TENM3: variants seen among roughly 807,000 people sequenced by gnomAD.
TENM3 encodes teneurin transmembrane protein 3.
In TENM3, 63 loss-of-function variants were observed where a neutral mutation model predicts 255.1. The observed-to-expected ratio is 0.25, with a 90% CI of 0.20 to 0.30. The LOEUF (loss-of-function observed/expected upper bound fraction) is 0.30, where lower values mean the gene tolerates loss of function less well. Ranked by LOEUF, TENM3 falls within the 10% of genes least tolerant of loss-of-function variation. The probability of loss-of-function intolerance (pLI) is 1.00; values close to 1 mark genes in which losing one functional copy is unlikely to be tolerated. For synonymous variants in TENM3, 1,306 were observed against 1,322.3 expected, an observed-to-expected ratio of 0.99 and a Z score of 0.27; for missense variants, 2,929 against 3,461.1, an observed-to-expected ratio of 0.85 and a Z score of 3.86.
rs149587337 is a variant in TENM3 at position 182,378,322 on chromosome 4, A to G, written c.511+31393A>G. 3.4e-3 allele frequency among the ~76,000 whole-genome samples: 523 copies of G among 152,338 alleles called. 1 individual carries two copies. Among genetic ancestry groups the G allele is most frequent in the African/African-American group, 0.012 (498 of 41,576 alleles). The stretch of plus-strand genomic sequence containing the variant: ...AGGTTCCCTGTCCTTATGGGAGCTT[A>G]CAAGTCTAGAGGGAAAGACAGACCT... On this transcript the variant is annotated intron_variant, in intron 3 of 27. Coordinates refer to ENST00000511685, the MANE Select transcript of TENM3 (RefSeq NM_001080477.4).
At chr4:181,944,051 T>C in the TENM3 span, among the ~76,000 whole-genome samples, 1 of 152,186 alleles carries the variant, frequency 6.6e-6, no homozygotes. Context: ...AAGTCCTTTT[T>C]GTCTCTAGGC....
At chr4:182,085,924 T>C in the TENM3 span, among the ~76,000 whole-genome samples, 9 of 152,314 alleles carry the variant, frequency 5.9e-5, no homozygotes, top group African/African-American at 2.2e-4. Context: ...ATCTTGAAAA[T>C]CATCCACCAA....
chr4:182,344,883 T>C (rs545311200), intron 2 of TENM3, among the ~76,000 whole-genome samples: 75 of 152,304 alleles, frequency 4.9e-4, no homozygotes, highest in African/African-American at 1.7e-3. Flanking sequence ...ACTGACCTTG[T>C]TCAGATTTAC....
chr4:182,176,311 CGT>C (rs1752486464), intron 1 of TENM3, among the ~76,000 whole-genome samples: 1 of 145,746 alleles, frequency 6.9e-6, no homozygotes, highest in African/African-American at 2.5e-5. Context: ...GCTTCACCAC[CGT>C]GTGTCTTTTG....
intron 1 of TENM3, among the ~76,000 whole-genome samples, chr4:182,193,422 C>T (rs560925728): frequency 2.9e-4 from 44 of 152,308 alleles, no homozygotes; most frequent in African/African-American, 9.6e-4. Flanking sequence ...CTGCGAGCCT[C>T]TCTAATTCTT....
the TENM3 span, among the ~76,000 whole-genome samples, chr4:181,750,528 A>T: frequency 2.0e-5 from 3 of 152,180 alleles, no homozygotes; most frequent in African/African-American, 7.2e-5. Flanking sequence ...CTAGAAATAC[A>T]TCTCCACAGG....
the TENM3 span, among the ~76,000 whole-genome samples, chr4:181,705,112 G>A: frequency 6.6e-6 from 1 of 151,508 alleles, no homozygotes; most frequent in Non-Finnish European, 1.5e-5. Context: ...CATAGGGTGG[G>A]TAGAGGGATG....
At chr4:181,809,658 A>T in the TENM3 span, among the ~76,000 whole-genome samples, 164 of 152,286 alleles carry the variant, frequency 1.1e-3, no homozygotes, top group Non-Finnish European at 1.9e-3. Context: ...CTGCGTCCTA[A>T]TCCCCAGAAT....
chr4:182,363,448 C>A lies in TENM3; in HGVS notation c.511+16519C>A, dbSNP rs542312950. Among the ~76,000 whole-genome samples, 11 of 151,392 alleles carry A rather than the reference C, an allele frequency of 7.3e-5. No individual in the cohort carries two copies. In the East Asian group the frequency reaches 2.1e-3, roughly 29 times the overall value. ...ATACATATATATGCATGTTTATAGTCTTTGCCTGAGGACTAAGTTAATAGC... is the reference window on the plus strand; with the variant it reads ...ATACATATATATGCATGTTTATAGTATTTGCCTGAGGACTAAGTTAATAGC... On this transcript the variant is annotated intron_variant, in intron 3 of 27. Transcript: ENST00000511685.
intron 18 of TENM3, among the ~76,000 whole-genome samples, chr4:182,742,478 G>C (rs979659438): frequency 1.3e-5 from 2 of 152,210 alleles, no homozygotes; most frequent in African/African-American, 4.8e-5. Flanking sequence ...CGCAGGAATA[G>C]TCTTTGACAG....
chr4:182,656,489 C>T (rs892132765), intron 6 of TENM3, among the ~76,000 whole-genome samples: 7 of 152,034 alleles, frequency 4.6e-5, no homozygotes, highest in Admixed American at 1.3e-4. Context: ...AGCTGCAAAC[C>T]GCTGCTTTTC....
rs1004574684 is a variant in TENM3, at chr4:182,555,446, T to A, written c.512-45478T>A. Among the ~76,000 whole-genome samples the A allele has an allele frequency of 7.2e-5, 11 of 152,190 alleles. No homozygotes were observed. The South Asian group carries it at 1.0e-3, about 14-fold the overall frequency. ...AGAAGTAGCAGTGGATGCTTTAAAA[T>A]TTTTTTTCAATATATTTAAACAAAA... On this transcript the variant is annotated intron_variant, in intron 3 of 27. Coordinates refer to ENST00000511685, the MANE Select transcript of TENM3 (RefSeq NM_001080477.4).
rs564909325 is a variant in TENM3 at position 182,655,184 on chromosome 4, A to C, written c.1111+1291A>C. Among the ~76,000 whole-genome samples, 84 of 152,308 alleles carry C rather than the reference A, an allele frequency of 5.5e-4. No homozygotes were observed. In the South Asian group the frequency reaches 0.011, roughly 19 times the overall value. On this transcript the variant is annotated intron_variant, in intron 6 of 27. Coordinates refer to ENST00000511685, the MANE Select transcript of TENM3 (RefSeq NM_001080477.4). ...ATGAGTAACTATACAGAAATTAAGA[A>C]TATTTATTTTGGTTTGTATTGACTG...
the TENM3 span, among the ~76,000 whole-genome samples, chr4:181,523,798 A>C: frequency 1.3e-5 from 2 of 152,212 alleles, no homozygotes; most frequent in South Asian, 4.1e-4. Flanking sequence ...AGTAGTTTTA[A>C]CCTTCAGAAG....
the TENM3 span, among the ~76,000 whole-genome samples, chr4:181,857,671 C>A: frequency 4.7e-5 from 7 of 150,506 alleles, no homozygotes; most frequent in East Asian, 2.0e-4. Flanking sequence ...GGTGGGAAAA[C>A]CCCTTGAGCC....
chr4:182,733,677 G>C (rs1440676296), intron 16 of TENM3, among the ~76,000 whole-genome samples: 4 of 152,176 alleles, frequency 2.6e-5, no homozygotes, highest in Non-Finnish European at 4.4e-5. Flanking sequence ...ATAACAAAAA[G>C]TCAAAAAGGC....
At chr4:182,266,708 G>T (rs1381024497) in intron 1 of TENM3, among the ~76,000 whole-genome samples, 1 of 152,094 alleles carries the variant, frequency 6.6e-6, no homozygotes, top group Non-Finnish European at 1.5e-5. Flanking sequence ...GTGAAATGGT[G>T]TTTTGCTTTA....
chr4:182,126,477 G>A, the TENM3 span, among the ~76,000 whole-genome samples: 7,013 of 152,206 alleles, frequency 0.046, 180 homozygotes, highest in South Asian at 0.067. Context: ...AGAATGCTCT[G>A]GCTTGGGCAC....
At chr4:182,341,134 G>T (rs990181149) in intron 2 of TENM3, among the ~76,000 whole-genome samples, 8 of 152,082 alleles carry the variant, frequency 5.3e-5, no homozygotes, top group Non-Finnish European at 1.0e-4. Flanking sequence ...TCCCCTAGAA[G>T]AGGCAATAAA....
Sources: allele counts gnomAD v4.1 joint callset (sites outside exome capture counted in the v4.1 genomes callset), GRCh38; gene constraint gnomAD v4.1.1; transcripts MANE v1.5; gene names NCBI Gene and HGNC (gene_info 2026-07-23, HGNC 2026-07-21).